Variants in THBS2 observed in about 807,000 individuals in gnomAD.
THBS2 encodes thrombospondin-2.
A neutral mutation model predicts 135.2 loss-of-function variants in THBS2; 47 were observed. The ratio of observed to expected loss-of-function variants is 0.35; its 90% CI spans 0.28 to 0.44. The LOEUF is 0.44. THBS2 is among the 20% of genes least tolerant of loss of function. THBS2 has a pLI of 1.00. For synonymous variants in THBS2, 639 were observed against 633.8 expected (o/e 1.01, Z -0.12); for missense variants, 1,288 against 1,603.1 (o/e 0.80, Z 3.36).
chr6:169,238,344 G>T (rs1443149189), intron 7 of THBS2, among the ~76,000 whole-genome samples: 1 of 152,210 alleles, frequency 6.6e-6, no homozygotes, highest in Admixed American at 6.5e-5. Flanking sequence ...CCGCTAAATG[G>T]GGGGAAAGAG....
At chr6:169,249,837 T>C (rs1026428331) in intron 2 of THBS2, among the ~76,000 whole-genome samples, 14 of 152,160 alleles carry the variant, frequency 9.2e-5, no homozygotes, top group Admixed American at 9.2e-4. Flanking sequence ...GAGACCATCA[T>C]GGCTAACGTG....
In THBS2 at chr6:169,252,394, C is replaced by T. The variant is rs185606908; in HGVS notation, c.-23+1330G>A. Among the ~76,000 whole-genome samples the T allele has an allele frequency of 2.6e-5, 4 of 152,180 alleles. No homozygotes were observed. The highest frequency in any genetic ancestry group is 6.5e-5 in the Admixed American group (1 of 15,284). ...TCCCCACCTCATCAGCCCACACTGC[C>T]GGGTACGTCGCAGTCCCCTAAGGAC... On this transcript the variant is annotated intron_variant, in intron 1 of 21. Transcript: ENST00000617924. The surrounding 1 kb of genome is among the most constrained non-coding windows in gnomAD (Gnocchi z 4.3).
Position 169,217,807 on chromosome 6 carries a change from T to G in THBS2, c.*15A>C. The G allele has an allele frequency of 6.2e-7, 1 of 1,610,532 alleles. No individual in the cohort carries two copies. The stretch of plus-strand genomic sequence containing the variant: ...GGCATGCACAGGGCATTGCCGGAAA[T>G]GCAGCAAATCTTGTTTAAATATCTA... On this transcript the variant is annotated 3_prime_UTR_variant, in exon 22 of 22. Coordinates refer to ENST00000617924, the MANE Select transcript of THBS2 (RefSeq NM_003247.5).
At chr6:169,242,798 C>T (rs1169239841) in intron 4 of THBS2, among the ~76,000 whole-genome samples, 2 of 110,118 alleles carry the variant, frequency 1.8e-5, no homozygotes, top group African/African-American at 3.5e-5. Context: ...ACCACTCCCA[C>T]CTTCCCACCT....
intron 10 of THBS2, among the ~76,000 whole-genome samples, chr6:169,234,119 C>A (rs559621168): frequency 1.3e-5 from 2 of 151,232 alleles, no homozygotes; most frequent in East Asian, 3.9e-4. Context: ...CAACACACAG[C>A]TACTCACATG....
At chr6:169,225,405 A>G (rs1412152336) in intron 16 of THBS2, 26 bp from the exon 17 acceptor site, 1 of 1,547,804 alleles carries the variant, frequency 6.5e-7, no homozygotes, top group Middle Eastern at 1.7e-4. Context: ...TGAGAGAAAC[A>G]GCAGAGGACT....
rs187001087 is a variant in THBS2 at position 169,252,704 on chromosome 6, T to C, written c.-23+1020A>G. ...CCCATCCAGGGACACCGGGCATGCATGGATGGAGCCACGGATGAGCCAGTG... is the reference window on the plus strand; with the variant it reads ...CCCATCCAGGGACACCGGGCATGCACGGATGGAGCCACGGATGAGCCAGTG... On this transcript the variant is annotated intron_variant, in intron 1 of 21. Transcript: ENST00000617924. The surrounding 1 kb of genome is among the most constrained non-coding windows in gnomAD (Gnocchi z 4.3). 1.6e-3 allele frequency among the ~76,000 whole-genome samples: 237 copies of C among 152,260 alleles called. No individual in the cohort carries two copies. The highest frequency in any genetic ancestry group is 5.5e-3 in the African/African-American group (229 of 41,566).
At position 169,245,778 on chromosome 6, in the gene THBS2, T is replaced by C. The variant is rs537588007; in HGVS notation, c.694+419A>G. 1.2e-3 allele frequency among the ~76,000 whole-genome samples: 164 copies of C among 133,392 alleles called. 1 individual carries two copies. The highest frequency in any genetic ancestry group is 7.7e-3 in the South Asian group (32 of 4,154). The allele number at this position is 133,392 out of a possible 152,430, so 87.5% of individuals were successfully genotyped here. A position where few individuals can be genotyped will look rare whatever the true frequency, so the allele number is the denominator to read the frequency against. On this transcript the variant is annotated intron_variant, in intron 4 of 21. Transcript: ENST00000617924. ...CTGCACTCCAGCCTGGGTGACAGAG[T>C]GAGACTCTGGCTCAAAAAAAAAAAA... is the stretch of plus-strand genomic sequence containing the variant.
At position 169,225,146 on chromosome 6, in the gene THBS2, G is replaced by A. The variant is rs771342488; in HGVS notation, c.2772C>T (p.Asp924=). 68 of 1,613,980 alleles carry A rather than the reference G, an allele frequency of 4.2e-5. No individual in the cohort carries two copies. The highest frequency in any genetic ancestry group is 1.3e-4 in the South Asian group (12 of 91,082). The change falls in exon 17 of 22, where the codon GAC becomes GAT. Residue 924 remains aspartate, a splice_region_variant and synonymous_variant. Transcript: ENST00000617924. ...CCCATGAGCTGAGAGAGCACCCACC[G>A]TCCAAGTCCTCCTGGTCTGGGTTGA... ...LVFNPDQEDL[D]GDGRGDICKD...
intron 9 of THBS2, among the ~76,000 whole-genome samples, chr6:169,235,110 T>G (rs11751422): frequency 0.81 from 123,726 of 152,114 alleles, 51,136 homozygotes; most frequent in East Asian, 0.99. Flanking sequence ...CGGGAGTGAC[T>G]CAGAAGCCAG....
chr6:169,237,413 G>A, intron 8 of THBS2, 67 bp from the exon 9 acceptor site: 2 of 1,590,482 alleles, frequency 1.3e-6, no homozygotes, highest in Non-Finnish European at 1.7e-6. Context: ...TAAGCGGTGT[G>A]CCTTATTAAC....
chr6:169,233,143 T>C, intron 10 of THBS2, 126 bp from the exon 11 acceptor site: 1 of 1,325,970 alleles, frequency 7.5e-7, no homozygotes, highest in Non-Finnish European at 9.9e-7. Flanking sequence ...AGGAACACTC[T>C]GGTGTGATTC....
intron 16 of THBS2, 123 bp from the exon 17 acceptor site, chr6:169,225,502 G>C: frequency 1.0e-6 from 1 of 979,820 alleles, no homozygotes; most frequent in Non-Finnish European, 1.5e-6. Flanking sequence ...CCAGGGCCAC[G>C]CAGGGGCGGC....
chr6:169,253,514 G>T (rs1462135281), intron 1 of THBS2, among the ~76,000 whole-genome samples: 2 of 152,224 alleles, frequency 1.3e-5, no homozygotes, highest in African/African-American at 4.8e-5. Flanking sequence ...AAAAGCTGAG[G>T]AGCGGCCACG....
intron 1 of THBS2, among the ~76,000 whole-genome samples, chr6:169,253,078 T>C (rs1303477511): frequency 6.6e-6 from 1 of 152,174 alleles, no homozygotes; most frequent in Non-Finnish European, 1.5e-5. Flanking sequence ...TCGCTGTGTG[T>C]CCCGGCAGTC....
chr6:169,240,552 G>A lies in THBS2; in HGVS notation c.932C>T (p.Pro311Leu), dbSNP rs1206175206. 4 of 1,614,030 alleles carry A rather than the reference G, an allele frequency of 2.5e-6. No individual in the cohort carries two copies. The highest frequency in any genetic ancestry group is 2.5e-6 in the Non-Finnish European group (3 of 1,179,992). ...NQFLWELIGGPPKTRNMSACW... is the reference protein window; with the variant it reads ...NQFLWELIGGLPKTRNMSACW... ...AGCTGACATGTTCCTTGTCTTAGGA[G>A]GGCCACCAATGAGCTCCCAGAGAAA... is the stretch of plus-strand genomic sequence containing the variant. Residue 311 changes from proline to leucine, a missense_variant, in exon 6 of 22, where the codon CCT becomes CTT. Physicochemically the swap from Pro to Leu is moderately conservative, Grantham distance 98. Around this residue, in one of 2 missense-constraint regions of THBS2, gnomAD observed 414 missense variants for 447.0 expected, o/e 0.93. Transcript: ENST00000617924.
chr6:169,233,691 C>G (rs1456367783), intron 10 of THBS2, among the ~76,000 whole-genome samples: 2 of 148,312 alleles, frequency 1.3e-5, no homozygotes, highest in Admixed American at 1.3e-4. Flanking sequence ...CACCACACAA[C>G]TACCTATGTG....
In THBS2 at chr6:169,237,782, C is replaced by A; in HGVS notation, c.1143G>T (p.Glu381Asp). 6.2e-7 allele frequency: 1 copy of A among 1,610,346 alleles called. No individual in the cohort carries two copies. Among genetic ancestry groups the A allele is most frequent in the Non-Finnish European group, 8.5e-7 (1 of 1,179,614 alleles). The stretch of plus-strand genomic sequence containing the variant: ...ACTCTGCCCACGGAGACCAGCCCTC[C>A]TCACCGTCCACCGCTGCCAGAGGAA... ...CPSCLHSVDGEEGWSPWAEWT... is the reference protein window; with the variant it reads ...CPSCLHSVDGDEGWSPWAEWT... Residue 381 changes from glutamate to aspartate, a missense_variant, in exon 8 of 22, where the codon GAG becomes GAT. Physicochemically the swap from Glu to Asp is conservative, Grantham distance 45. This residue lies in a region of THBS2 where 874 missense variants were observed against 1,156.1 expected (regional missense o/e 0.76). Transcript: ENST00000617924.
chr6:169,217,735 G>C lies in THBS2; in HGVS notation c.*87C>G, dbSNP rs1779225896. 1.4e-6 allele frequency: 2 copies of C among 1,471,840 alleles called. No individual in the cohort carries two copies. The highest frequency in any genetic ancestry group is 1.9e-6 in the Non-Finnish European group (2 of 1,072,068). 91.2% of individuals were successfully genotyped at this position (1,471,840 alleles called of 1,614,324 possible). A position where few individuals can be genotyped will look rare whatever the true frequency, so the allele number is the denominator to read the frequency against. On this transcript the variant is annotated 3_prime_UTR_variant, in exon 22 of 22. Transcript: ENST00000617924. Reference sequence around the variant, plus strand: ...TCAAGGGACAGGAGGTGCTGCTAGAGAGAGAAGCCACAAGGACCACAATGA... The same window carrying C: ...TCAAGGGACAGGAGGTGCTGCTAGACAGAGAAGCCACAAGGACCACAATGA...
Sources: gnomAD v4.1 joint callset for allele counts (sites outside exome capture counted in the v4.1 genomes callset) on GRCh38, gnomAD v4.1.1 for gene constraint, gnomAD v4.1.1 regional missense constraint, Gnocchi (gnomAD v3.1) non-coding constraint, MANE v1.5 for transcripts, NCBI Gene and HGNC (gene_info 2026-07-23, HGNC 2026-07-21) for gene names.